Variants in GALK2 observed in about 807,000 individuals in gnomAD.
GALK2 encodes galactokinase 2.
A neutral mutation model predicts 52.4 loss-of-function variants in GALK2; 36 were observed. That is an observed-to-expected ratio of 0.69 (90% CI 0.53 to 0.91). The LOEUF is 0.91. Ranked by LOEUF, GALK2 falls within the 40% of genes least tolerant of loss-of-function variation. GALK2 has a pLI of 0.00. For synonymous variants in GALK2, 176 were observed against 199.1 expected (o/e 0.88, Z 0.98); for missense variants, 579 against 559.1 (o/e 1.04, Z -0.36).
At chr15:49,230,931 AAAGGCTAGGT>A (rs2090466606) in intron 3 of GALK2, among the ~76,000 whole-genome samples, 3 of 152,198 alleles carry the variant, frequency 2.0e-5, no homozygotes, top group Admixed American at 1.3e-4. Flanking sequence ...AACCTCAGGA[AAAGGCTAGGT>A]AGAGAGGTGA....
chr15:49,321,371 G>T (rs772613661), intron 9 of GALK2, among the ~76,000 whole-genome samples: 1 of 152,216 alleles, frequency 6.6e-6, no homozygotes, highest in African/African-American at 2.4e-5. Context: ...CACCATATAG[G>T]CCGTGTAGGC....
intron 3 of GALK2, among the ~76,000 whole-genome samples, chr15:49,336,911 T>C (rs1458708337): frequency 1.3e-5 from 2 of 152,206 alleles, no homozygotes; most frequent in Non-Finnish European, 2.9e-5. Flanking sequence ...TTTATGTCCA[T>C]GAGTACCCAA....
chr15:49,324,857 G>T (rs1476530350), intron 9 of GALK2, among the ~76,000 whole-genome samples: 1 of 152,140 alleles, frequency 6.6e-6, no homozygotes, highest in African/African-American at 2.4e-5. Context: ...CTGGGCTGGG[G>T]TCAGAGAGAT....
chr15:49,255,562 T>C (rs1040541931), intron 5 of GALK2, among the ~76,000 whole-genome samples: 1 of 112,152 alleles, frequency 8.9e-6, no homozygotes, highest in Non-Finnish European at 2.2e-5. Flanking sequence ...CCAAGAATAC[T>C]GTATAGGTGA....
chr15:49,187,805 C>T (rs768988098), intron 1 of GALK2, among the ~76,000 whole-genome samples: 7 of 152,036 alleles, frequency 4.6e-5, no homozygotes, highest in Non-Finnish European at 1.0e-4. Flanking sequence ...AGTACATGCT[C>T]CTGGGCCTGG....
chr15:49,224,725 G>T (rs921542441), intron 3 of GALK2, among the ~76,000 whole-genome samples: 3 of 152,082 alleles, frequency 2.0e-5, no homozygotes, highest in African/African-American at 7.2e-5. Flanking sequence ...ATGCTGTTTT[G>T]GTTACTATAG....
chr15:49,337,870 T>G (rs111339280), intron 3 of GALK2, among the ~76,000 whole-genome samples: 7,289 of 152,270 alleles, frequency 0.048, 315 homozygotes, highest in African/African-American at 0.1. Flanking sequence ...TTCCATGGTG[T>G]GTATGTGCCA....
intron 3 of GALK2, among the ~76,000 whole-genome samples, chr15:49,363,765 C>G (rs2044654488): frequency 6.6e-6 from 1 of 151,956 alleles, no homozygotes; most frequent in African/African-American, 2.4e-5. Context: ...ATAGATGGCT[C>G]TTATTATTTT....
chr15:49,362,976 G>A (rs572544489), intron 3 of GALK2, among the ~76,000 whole-genome samples: 212 of 152,114 alleles, frequency 1.4e-3, no homozygotes, highest in African/African-American at 4.9e-3. Flanking sequence ...TGTTCCATAC[G>A]TCTTTGTGTC....
At chr15:49,197,680 A>G (rs764508615) in intron 1 of GALK2, among the ~76,000 whole-genome samples, 1 of 152,146 alleles carries the variant, frequency 6.6e-6, no homozygotes, top group African/African-American at 2.4e-5. Context: ...AAAGCTTCAA[A>G]TTTTGGAATG....
chr15:49,207,895 C>CT (rs1719322362), intron 2 of GALK2, among the ~76,000 whole-genome samples: 1 of 152,112 alleles, frequency 6.6e-6, no homozygotes, highest in Non-Finnish European at 1.5e-5. Flanking sequence ...CCTGCCTCAG[C>CT]CTGAGTAGCT....
chr15:49,321,895 T>G (rs992318510), intron 9 of GALK2, among the ~76,000 whole-genome samples: 1 of 152,202 alleles, frequency 6.6e-6, no homozygotes, highest in Non-Finnish European at 1.5e-5. Flanking sequence ...ATTTGAACAT[T>G]AAGCAAAGTC....
rs2084440867 is a variant in GALK2 at position 49,156,166 on chromosome 15, A to T, written c.20+150A>T. 7 of 766,450 alleles carry T rather than the reference A, an allele frequency of 9.1e-6. No homozygotes were observed. In the Admixed American group the frequency reaches 1.6e-4, roughly 18 times the overall value. 47.5% of individuals were successfully genotyped at this position (766,450 alleles called of 1,614,324 possible). On this transcript the variant is annotated intron_variant, in intron 1 of 9. Coordinates refer to the GALK2 transcript ENST00000327171. ...ACAAAACAATTCTATGGATATCCTA[A>T]ATTAGGTATGCAGCTATCAGTTGAG... is the stretch of plus-strand genomic sequence containing the variant.
chr15:49,228,687 A>AT lies in GALK2; in HGVS notation c.267-7140dup, dbSNP rs1174406561. On this transcript the variant is annotated intron_variant, in intron 3 of 9. Coordinates refer to ENST00000560031, the MANE Select transcript of GALK2 (RefSeq NM_002044.4). ...TATATATATATATATATATATATAT[A>AT]TTTTTTTTTTTTTTTTTTTTTTTTG... 4.3e-3 allele frequency among the ~76,000 whole-genome samples: 62 copies of AT among 14,278 alleles called. 12 individuals are homozygous for AT. Among genetic ancestry groups the AT allele is most frequent in the Non-Finnish European group, 6.5e-3 (56 of 8,570 alleles). The allele number at this position is 14,278 out of a possible 152,430, so 9.4% of individuals were successfully genotyped here.
chr15:49,216,079 C>A (rs1421172561), intron 2 of GALK2, among the ~76,000 whole-genome samples: 2 of 152,164 alleles, frequency 1.3e-5, no homozygotes, highest in Non-Finnish European at 2.9e-5. Flanking sequence ...TTGATATCTT[C>A]CCTTTACTCC....
chr15:49,192,487 A>ATGTATATG (rs2086815270), intron 1 of GALK2, among the ~76,000 whole-genome samples: 2 of 23,892 alleles, frequency 8.4e-5, no homozygotes, highest in Non-Finnish European at 1.5e-4. Flanking sequence ...ATATATATGT[A>ATGTATATG]TATATATATA....
At chr15:49,241,835 C>T (rs1690778128) in intron 5 of GALK2, among the ~76,000 whole-genome samples, 1 of 152,080 alleles carries the variant, frequency 6.6e-6, no homozygotes, top group South Asian at 2.1e-4. Context: ...ACACTTGAAC[C>T]CTTAGAATTA....
chr15:49,178,321 G>A (rs532461681), intron 1 of GALK2: 2 of 128,548 alleles, frequency 1.6e-5, no homozygotes, highest in Non-Finnish European at 3.4e-5. Context: ...GCACATATAT[G>A]TATGTACATA....
At chr15:49,160,532 G>A (rs996709157) in intron 1 of GALK2, among the ~76,000 whole-genome samples, 1 of 151,794 alleles carries the variant, frequency 6.6e-6, no homozygotes, top group Admixed American at 6.6e-5. Context: ...AGTTTTCCTG[G>A]GACTGATCTC....
Sources: allele counts gnomAD v4.1 joint callset (sites outside exome capture counted in the v4.1 genomes callset), GRCh38; gene constraint gnomAD v4.1.1; transcripts MANE v1.5; gene names NCBI Gene and HGNC (gene_info 2026-07-23, HGNC 2026-07-21).